DLGAP1: variants seen among roughly 807,000 people sequenced by gnomAD.
DLGAP1 encodes the protein DLG associated protein 1.
Under a neutral mutation model 90.8 loss-of-function variants are expected in DLGAP1, and 11 were observed. The ratio of observed to expected loss-of-function variants is 0.12; its 90% CI spans 0.08 to 0.20. The LOEUF is 0.20. Ranked by LOEUF, DLGAP1 falls within the 10% of genes least tolerant of loss-of-function variation. DLGAP1 has a pLI of 1.00. For missense variants in DLGAP1, 1,050 were observed against 1,333.8 expected, an observed-to-expected ratio of 0.79 and a Z score of 3.31; for synonymous variants, 558 against 540.7, an observed-to-expected ratio of 1.03 and a Z score of -0.44.
At chr18:4,402,965 A>C (rs1351229116) in intron 1 of DLGAP1, among the ~76,000 whole-genome samples, 1 of 152,182 alleles carries the variant, frequency 6.6e-6, no homozygotes, top group East Asian at 1.9e-4. Flanking sequence ...ATATTGCAAA[A>C]GATAATGGCT....
intron 7 of DLGAP1, among the ~76,000 whole-genome samples, chr18:3,718,015 C>T (rs527825210): frequency 2.0e-5 from 3 of 152,286 alleles, no homozygotes; most frequent in East Asian, 1.9e-4. Flanking sequence ...GTGAGTTTCT[C>T]GTTCTCTTTT....
intron 7 of DLGAP1, among the ~76,000 whole-genome samples, chr18:3,646,808 C>T (rs997157154): frequency 1.5e-4 from 23 of 151,998 alleles, no homozygotes; most frequent in African/African-American, 5.5e-4. Context: ...GCCTGTAGTC[C>T]CAGCTACTCG....
intron 3 of DLGAP1, among the ~76,000 whole-genome samples, chr18:3,980,437 T>C (rs1156808461): frequency 6.6e-6 from 1 of 152,186 alleles, no homozygotes; most frequent in Non-Finnish European, 1.5e-5. Flanking sequence ...GCTTACGGCA[T>C]TATAATAATT....
intron 7 of DLGAP1, among the ~76,000 whole-genome samples, chr18:3,663,590 C>T (rs2146632808): frequency 1.3e-5 from 2 of 152,186 alleles, no homozygotes; most frequent in East Asian, 3.8e-4. Flanking sequence ...TAGGAACTGT[C>T]TCTGGAAGCC....
chr18:4,193,602 T>A (rs2077440867), intron 1 of DLGAP1, among the ~76,000 whole-genome samples: 1 of 152,228 alleles, frequency 6.6e-6, no homozygotes, highest in African/African-American at 2.4e-5. Flanking sequence ...TAGAAAAGAC[T>A]TGATTACAGA....
At chr18:3,697,291 A>T (rs534732973) in intron 7 of DLGAP1, among the ~76,000 whole-genome samples, 178 of 151,720 alleles carry the variant, frequency 1.2e-3, no homozygotes, top group African/African-American at 4.0e-3. Context: ...TAGGGTGTTG[A>T]TTTTACGTCT....
intron 7 of DLGAP1, among the ~76,000 whole-genome samples, chr18:3,686,679 G>C (rs1329466986): frequency 6.6e-6 from 1 of 152,074 alleles, no homozygotes; most frequent in Non-Finnish European, 1.5e-5. Context: ...GTTCTCAGTT[G>C]ACTTTTAAAA....
At chr18:4,026,618 A>T (rs2074703158) in intron 2 of DLGAP1, among the ~76,000 whole-genome samples, 1 of 152,208 alleles carries the variant, frequency 6.6e-6, no homozygotes, top group Admixed American at 6.5e-5. Flanking sequence ...GGTTCTCCAG[A>T]TTGGAAAAAT....
intron 1 of DLGAP1, among the ~76,000 whole-genome samples, chr18:4,165,846 C>T (rs919255928): frequency 3.3e-5 from 5 of 152,112 alleles, no homozygotes; most frequent in Non-Finnish European, 5.9e-5. Flanking sequence ...TGGTAAGGGA[C>T]TAATATCCAA....
intron 3 of DLGAP1, among the ~76,000 whole-genome samples, chr18:3,894,207 T>A (rs2071556204): frequency 6.6e-6 from 1 of 152,218 alleles, no homozygotes; most frequent in Non-Finnish European, 1.5e-5. Flanking sequence ...AGAAGCTTTT[T>A]AATTTAATTG....
rs1239789987 is a variant in DLGAP1, at chr18:4,093,879, T to C, written c.-159+57301A>G. Among the ~76,000 whole-genome samples, 3 of 152,188 alleles carry C rather than the reference T, an allele frequency of 2.0e-5. No individual in the cohort carries two copies. The East Asian group carries it at 5.8e-4, about 29-fold the overall frequency. On this transcript the variant is annotated intron_variant, in intron 2 of 12. Transcript: ENST00000315677. ...TTCTAATTCTGATGAGCCTCTCTTC[T>C]CTCCCTCACGCTTTTGACATGCTAA...
chr18:4,285,130 CA>C (rs1412409264), intron 1 of DLGAP1, among the ~76,000 whole-genome samples: 3 of 152,140 alleles, frequency 2.0e-5, no homozygotes, highest in Non-Finnish European at 4.4e-5. Context: ...TCCTGTTCAT[CA>C]TTTGGATATC....
intron 5 of DLGAP1, among the ~76,000 whole-genome samples, chr18:3,805,952 T>C (rs1000469884): frequency 6.6e-6 from 1 of 152,228 alleles, no homozygotes; most frequent in African/African-American, 2.4e-5. Flanking sequence ...TCCTGGTTTA[T>C]AGATAGGAAT....
intron 1 of DLGAP1, among the ~76,000 whole-genome samples, chr18:4,216,871 TTAATA>T (rs2077969528): frequency 6.6e-6 from 1 of 152,114 alleles, no homozygotes. Context: ...TGAGCCAATA[TTAATA>T]TATTATTATT....
chr18:3,956,334 GA>G (rs2073082499), intron 3 of DLGAP1, among the ~76,000 whole-genome samples: 1 of 152,132 alleles, frequency 6.6e-6, no homozygotes, highest in African/African-American at 2.4e-5. Flanking sequence ...CACCCTGAAA[GA>G]ATCCCTTTAA....
chr18:4,441,999 T>C (rs8097002), intron 1 of DLGAP1, among the ~76,000 whole-genome samples: 52,323 of 151,870 alleles, frequency 0.34, 9,105 homozygotes, highest in East Asian at 0.46. Flanking sequence ...TTTTTGTTTG[T>C]TTGTTCTTTT....
At chr18:3,976,873 A>G (rs1337161614) in intron 3 of DLGAP1, among the ~76,000 whole-genome samples, 1 of 152,170 alleles carries the variant, frequency 6.6e-6, no homozygotes, top group Non-Finnish European at 1.5e-5. Context: ...AGGTCATATC[A>G]TTTTTTAAAT....
In DLGAP1 at chr18:4,022,903, T is replaced by A. The variant is rs141686155; in HGVS notation, c.-158-17702A>T. The stretch of plus-strand genomic sequence containing the variant: ...ATCTGATGATTATAGACTGACACTT[T>A]ATCAATGATTTAATTAGTATTTTCC... On this transcript the variant is annotated intron_variant, in intron 2 of 12. Transcript: ENST00000315677. Among the ~76,000 whole-genome samples, 294 of 131,982 alleles carry A rather than the reference T, an allele frequency of 2.2e-3. 11 individuals are homozygous for A. The East Asian group carries it at 0.055, about 25-fold the overall frequency. The allele number at this position is 131,982 out of a possible 152,430, so 86.6% of individuals were successfully genotyped here. A position where few individuals can be genotyped will look rare whatever the true frequency, so the allele number is the denominator to read the frequency against.
At chr18:4,264,102 T>C (rs866673887) in intron 1 of DLGAP1, among the ~76,000 whole-genome samples, 2 of 152,192 alleles carry the variant, frequency 1.3e-5, no homozygotes, top group Non-Finnish European at 2.9e-5. Flanking sequence ...AATTATAAAA[T>C]GGAAAATTCA....
Sources: allele counts gnomAD v4.1 joint callset (sites outside exome capture counted in the v4.1 genomes callset), GRCh38; gene constraint gnomAD v4.1.1; transcripts MANE v1.5; gene names NCBI Gene and HGNC (gene_info 2026-07-23, HGNC 2026-07-21).